The following KNL1 variants were observed in gnomAD, a reference collection of about 807,000 sequenced individuals.
KNL1 encodes the protein outer kinetochore KNL1 complex subunit KNL1.
A neutral mutation model predicts 201.3 loss-of-function variants in KNL1; 66 were observed. The ratio of observed to expected loss-of-function variants is 0.33; its 90% CI spans 0.27 to 0.40. The LOEUF (loss-of-function observed/expected upper bound fraction) is 0.40, where lower values mean the gene tolerates loss of function less well. Ranked by LOEUF, KNL1 falls within the 10% of genes least tolerant of loss-of-function variation. The pLI is 1.00. For missense variants in KNL1, 2,815 were observed against 2,690.5 expected, an observed-to-expected ratio of 1.05 and a Z score of -1.02; for synonymous variants, 895 against 899.2, an observed-to-expected ratio of 1.00 and a Z score of 0.08.
In KNL1 at chr15:40,640,981, C is replaced by A; in HGVS notation, c.5752C>A (p.Gln1918Lys). 1 of 1,613,174 alleles carries A rather than the reference C, an allele frequency of 6.2e-7. No individual in the cohort carries two copies. Among genetic ancestry groups the A allele is most frequent in the Non-Finnish European group, 8.5e-7 (1 of 1,179,562 alleles). ...TCAATATGTTTACCGACCCAAGATA[C>A]AGATTTATAGAGAAGATTGTGAGGC... is the stretch of plus-strand genomic sequence containing the variant. ...LSQYVYRPKI[Q>K]IYREDCEARR... The change falls in exon 14 of 26, where the codon CAG becomes AAG. Residue 1918 changes from glutamine to lysine, a missense_variant. Physicochemically the swap from Gln to Lys is moderately conservative, Grantham distance 53. Transcript: ENST00000399668.
Position 40,628,276 on chromosome 15 carries a change from A to G in KNL1, c.5515+68A>G, listed in dbSNP as rs567488317. On this transcript the variant is annotated intron_variant, in intron 11 of 25. Transcript: ENST00000399668. The stretch of plus-strand genomic sequence containing the variant: ...ACTTAACTAATAATAAGTAGTTTTC[A>G]GTTCAGGAAATATTTGAATGTTGTA... 2.7e-6 allele frequency: 4 copies of G among 1,466,698 alleles called. No individual in the cohort carries two copies. The African/African-American group carries it at 4.2e-5, about 16-fold the overall frequency. The allele number at this position is 1,466,698 out of a possible 1,614,324, so 90.9% of individuals were successfully genotyped here. A position where few individuals can be genotyped will look rare whatever the true frequency, so the allele number is the denominator to read the frequency against.
At chr15:40,648,919 T>A (rs1893474406) in intron 17 of KNL1, among the ~76,000 whole-genome samples, 1 of 146,902 alleles carries the variant, frequency 6.8e-6, no homozygotes. Context: ...AACCTCCGCC[T>A]CCCAGATTCA....
intron 7 of KNL1, among the ~76,000 whole-genome samples, chr15:40,613,938 C>T (rs1202540908): frequency 6.6e-6 from 1 of 151,928 alleles, no homozygotes; most frequent in Non-Finnish European, 1.5e-5. Context: ...GCTGGGACTA[C>T]AGGCGCCTGC....
At chr15:40,620,216 A>AT (rs11458507) in intron 9 of KNL1, among the ~76,000 whole-genome samples, 53,988 of 148,338 alleles carry the variant, frequency 0.36, 10,115 homozygotes, top group African/African-American at 0.46. Flanking sequence ...GCCTAGAATA[A>AT]TTTTTTTTTT....
chr15:40,626,342 T>TG (rs1352791887), intron 10 of KNL1, among the ~76,000 whole-genome samples: 2 of 150,434 alleles, frequency 1.3e-5, no homozygotes, highest in African/African-American at 4.9e-5. Context: ...TTTTTTTTTT[T>TG]GTATTTTTAG....
intron 3 of KNL1, among the ~76,000 whole-genome samples, chr15:40,605,423 G>A (rs1366584246): frequency 6.6e-6 from 1 of 152,162 alleles, no homozygotes; most frequent in Non-Finnish European, 1.5e-5. Context: ...GTGGTACAAA[G>A]CTGTTGCAAG....
intron 1 of KNL1, among the ~76,000 whole-genome samples, chr15:40,596,491 T>C (rs1891623846): frequency 2.0e-5 from 3 of 151,956 alleles, no homozygotes; most frequent in Admixed American, 2.0e-4. Context: ...TTGGCCAGGC[T>C]GGTCTCGAAC....
chr15:40,618,814 T>G, intron 8 of KNL1, 145 bp from the exon 9 acceptor site: 1 of 511,664 alleles, frequency 2.0e-6, no homozygotes, highest in Non-Finnish European at 3.5e-6. Flanking sequence ...TTTAAAAAAT[T>G]AAAAAAATTT....
intron 4 of KNL1, 78 bp from the exon 5 acceptor site, chr15:40,608,769 A>G (rs903988383): frequency 5.8e-5 from 53 of 910,590 alleles, no homozygotes; most frequent in Non-Finnish European, 7.2e-5. Context: ...AAAGGACTTG[A>G]TCTCTGTCTA....
intron 16 of KNL1, 57 bp from the exon 17 acceptor site, chr15:40,646,930 A>G (rs2141754128): frequency 2.6e-6 from 2 of 761,624 alleles, no homozygotes; most frequent in East Asian, 2.5e-5. Context: ...AGTTTGAACC[A>G]TTTATAATAT....
chr15:40,614,101 C>CTTT (rs35400027), intron 7 of KNL1, among the ~76,000 whole-genome samples: 11 of 132,564 alleles, frequency 8.3e-5, no homozygotes, highest in African/African-American at 1.1e-4. Flanking sequence ...CCTGGCCCCC[C>CTTT]TTTTTTTTTT....
At chr15:40,598,918 C>T (rs1891697688) in intron 1 of KNL1, among the ~76,000 whole-genome samples, 1 of 151,918 alleles carries the variant, frequency 6.6e-6, no homozygotes, top group African/African-American at 2.4e-5. Flanking sequence ...ATCCTCCTGC[C>T]TCACCCTCCC....
intron 25 of KNL1, 25 bp from the exon 26 acceptor site, chr15:40,662,049 A>T: frequency 7.1e-7 from 1 of 1,409,870 alleles, no homozygotes; most frequent in Non-Finnish European, 1.0e-6. Context: ...AAAAAAGAAA[A>T]TTGATTAACC....
At chr15:40,614,125 T>G (rs1595919773) in intron 7 of KNL1, among the ~76,000 whole-genome samples, 2 of 116,340 alleles carry the variant, frequency 1.7e-5, no homozygotes. Context: ...TGAGATGGAG[T>G]CTTGCTCTGT....
chr15:40,602,807 C>T, intron 1 of KNL1, 108 bp from the exon 2 acceptor site: 2 of 608,410 alleles, frequency 3.3e-6, no homozygotes, highest in South Asian at 2.0e-5. Flanking sequence ...CTTTGGTCTT[C>T]CCTCAGAAAG....
At chr15:40,608,390 A>G (rs1892042859) in intron 4 of KNL1, among the ~76,000 whole-genome samples, 1 of 144,106 alleles carries the variant, frequency 6.9e-6, no homozygotes, top group Non-Finnish European at 1.5e-5. Context: ...ACTGAGATCG[A>G]GTTACTGTAC....
chr15:40,628,392 T>TA (rs1892812019), intron 11 of KNL1, among the ~76,000 whole-genome samples, 184 bp downstream of exon 11: 1 of 152,234 alleles, frequency 6.6e-6, no homozygotes, highest in Non-Finnish European at 1.5e-5. Context: ...AGAAGTGACA[T>TA]ACTACAGAGA....
In KNL1 at chr15:40,625,341, G is replaced by C; in HGVS notation, c.5077G>C (p.Asp1693His). Residue 1693 changes from aspartate (D) to histidine (H), a missense_variant, in exon 10 of 26, where the codon GAT becomes CAT. Physicochemically the swap from Asp to His is moderately conservative, Grantham distance 81. This residue lies in a region of KNL1 where 2,464 missense variants were observed against 2,291.7 expected (regional missense o/e 1.08). Coordinates refer to ENST00000399668, the MANE Select transcript of KNL1 (RefSeq NM_144508.5). ...AGAAACTCAGCCGGTCTCTAGCAAA[G>C]ATTCAGGCATTGGATCTGTTGCAGG... ...HLETQPVSSK[D>H]SGIGSVAGKL... 6.2e-7 allele frequency: 1 copy of C among 1,614,096 alleles called. No homozygotes were observed.
chr15:40,628,711 A>T (rs1313048984), intron 12 of KNL1, 33 bp downstream of exon 12: 1 of 1,417,576 alleles, frequency 7.1e-7, no homozygotes, highest in East Asian at 2.3e-5. Flanking sequence ...TTTTTTATTT[A>T]TAAAGAAAAG....
Sources: allele counts gnomAD v4.1 joint callset (sites outside exome capture counted in the v4.1 genomes callset), GRCh38; gene constraint gnomAD v4.1.1; regional missense constraint gnomAD v4.1.1; transcripts MANE v1.5; gene names NCBI Gene and HGNC (gene_info 2026-07-23, HGNC 2026-07-21).